Variants in ZFR2 observed in about 807,000 individuals in gnomAD.
ZFR2 encodes the protein zinc finger RNA binding protein 2, also known as zinc finger RNA-binding protein 2.
In ZFR2, 104 loss-of-function variants were observed where a neutral mutation model predicts 105.7. That is an observed-to-expected ratio of 0.98 (90% confidence interval 0.84 to 1.16). The LOEUF (loss-of-function observed/expected upper bound fraction) is 1.16. Ranked by LOEUF, ZFR2 falls within the 50% of genes most tolerant of loss-of-function variation. The pLI is 0.00. For synonymous variants in ZFR2, 634 were observed against 597.7 expected (o/e 1.06, Z -0.89); for missense variants, 1,425 against 1,355.5 (o/e 1.05, Z -0.80).
intron 1 of ZFR2, among the ~76,000 whole-genome samples, chr19:3,865,346 A>T (rs1454636594): frequency 6.6e-6 from 1 of 151,850 alleles, no homozygotes; most frequent in East Asian, 1.9e-4. Flanking sequence ...TACGGTTATC[A>T]TTTTTTTGTT....
chr19:3,822,122 C>T lies in ZFR2; in HGVS notation c.1450G>A (p.Asp484Asn), dbSNP rs1315968489. 6.2e-7 allele frequency: 1 copy of T among 1,610,308 alleles called. No individual in the cohort carries two copies. The highest frequency in any genetic ancestry group is 8.5e-7 in the Non-Finnish European group (1 of 1,178,646). The change falls in exon 9 of 19, where the codon GAC becomes AAC. Residue 484 changes from aspartate (D) to asparagine (N), a missense_variant. Physicochemically the swap from Asp to Asn is conservative, Grantham distance 23. Transcript: ENST00000262961. ...ECSFNDLNAKDLHVRGRRHRL... is the reference protein window; with the variant it reads ...ECSFNDLNAKNLHVRGRRHRL... ...TGCCGCCGCCCCCTCACGTGCAGGTCCTTCGCGTTAAGGTCGTTGAAACTG... is the reference window on the plus strand; with the variant it reads ...TGCCGCCGCCCCCTCACGTGCAGGTTCTTCGCGTTAAGGTCGTTGAAACTG...
At chr19:3,811,487 C>T in intron 14 of ZFR2, 121 bp from the exon 15 acceptor site, 2 of 861,936 alleles carry the variant, frequency 2.3e-6, no homozygotes, top group Middle Eastern at 3.2e-4. Context: ...CACAGTTTCA[C>T]TGTGTCACCC....
intron 1 of ZFR2, chr19:3,855,305 G>A (rs2038284216): frequency 9.1e-7 from 1 of 1,094,620 alleles, no homozygotes; most frequent in Non-Finnish European, 1.2e-6. Context: ...TGGCTAAGCT[G>A]AAAAAAAAAG....
rs1265072727 is a variant in ZFR2, at chr19:3,838,372, AGT to A, written c.54-3391_54-3390del. Among the ~76,000 whole-genome samples, 1 of 152,200 alleles carries A rather than the reference AGT, an allele frequency of 6.6e-6. No homozygotes were observed. The highest frequency in any genetic ancestry group is 1.5e-5 in the Non-Finnish European group (1 of 68,036). ...GGCTATGAAGAAAACAGAACTACAG[AGT>A]GAGTGCTATCCAGGCTGCACTGAGC... On this transcript the variant is annotated intron_variant, in intron 1 of 18. Transcript: ENST00000262961. The surrounding 1 kb of genome is among the most constrained non-coding windows in gnomAD (Gnocchi z 4.9).
chr19:3,823,473 C>G lies in ZFR2; in HGVS notation c.1214-70G>C. The stretch of plus-strand genomic sequence containing the variant: ...GCACTGCAGCTGCAGACCCGCCAGG[C>G]GGCATGGGGTGGAGAGCCACCCAGA... On this transcript the variant is annotated intron_variant, in intron 7 of 18. Coordinates refer to ENST00000262961, the MANE Select transcript of ZFR2 (RefSeq NM_015174.2). The surrounding 1 kb of genome is among the most constrained non-coding windows in gnomAD (Gnocchi z 5.4). The G allele has an allele frequency of 6.7e-7, 1 of 1,491,034 alleles. No individual in the cohort carries two copies. The highest frequency in any genetic ancestry group is 1.4e-5 in the African/African-American group (1 of 71,768). 92.4% of individuals were successfully genotyped at this position (1,491,034 alleles called of 1,614,324 possible).
At position 3,833,683 on chromosome 19, in the gene ZFR2, G is replaced by A. The variant is rs1014254431; in HGVS notation, c.360C>T (p.Ala120=). The change falls in exon 3 of 19, where the codon GCC becomes GCT. Residue 120 remains alanine, a synonymous_variant. Coordinates refer to ENST00000262961, the MANE Select transcript of ZFR2 (RefSeq NM_015174.2). ...SAALQSGRMT[A]ADSGQPGTQE... is the part of the protein sequence containing the mutation. ...GCTCACCTGGCTGGCCGGAGTCTGC[G>A]GCTGTCATGCGCCCAGACTGGAGGG... 18 of 1,566,062 alleles carry A rather than the reference G, an allele frequency of 1.1e-5. No individual in the cohort carries two copies. Among genetic ancestry groups the A allele is most frequent in the Middle Eastern group, 1.7e-4 (1 of 6,012 alleles).
At chr19:3,860,066 T>C (rs1187309378) in intron 1 of ZFR2, among the ~76,000 whole-genome samples, 2 of 152,168 alleles carry the variant, frequency 1.3e-5, no homozygotes, top group African/African-American at 4.8e-5. Context: ...GGTCTTGCTC[T>C]GTCGCCCAGG....
chr19:3,830,219 G>C (rs559409863), intron 5 of ZFR2, among the ~76,000 whole-genome samples: 84 of 152,122 alleles, frequency 5.5e-4, no homozygotes, highest in South Asian at 8.3e-4. Context: ...TAGGAGGATC[G>C]CTTGGGCCCA....
intron 15 of ZFR2, among the ~76,000 whole-genome samples, 151 bp from the exon 16 acceptor site, chr19:3,810,996 CAT>C (rs1441686113): frequency 6.6e-6 from 1 of 152,350 alleles, no homozygotes; most frequent in Non-Finnish European, 1.5e-5. Flanking sequence ...TCCACTCCCA[CAT>C]GAGCCCGGTG....
Position 3,823,339 on chromosome 19 carries a change from T to A in ZFR2, c.1278A>T (p.Leu426Phe), listed in dbSNP as rs1338325807. The A allele has an allele frequency of 6.2e-7, 1 of 1,613,928 alleles. No individual in the cohort carries two copies. Among genetic ancestry groups the A allele is most frequent in the Admixed American group, 1.7e-5 (1 of 60,022 alleles). ...PQWGKPAQPK[L>F]EGPGAPTQGG... ...CTTGGGTAGGTGCTCCGGGACCCTCTAATTTAGGTTGGGCTGGTTTCCCCC... is the reference window on the plus strand; with the variant it reads ...CTTGGGTAGGTGCTCCGGGACCCTCAAATTTAGGTTGGGCTGGTTTCCCCC... Residue 426 changes from leucine to phenylalanine, a missense_variant, in exon 8 of 19, where the codon TTA becomes TTT. Transcript: ENST00000262961. This position sits in a 1 kb window ranked among gnomAD's most constrained non-coding sequence, Gnocchi z 5.4.
In ZFR2 at chr19:3,869,006, A is replaced by C; in HGVS notation, c.12T>G (p.Ser4Arg). MAT[S>R]QYFDFAQGGG... is the part of the protein sequence containing the mutation. The stretch of plus-strand genomic sequence containing the variant: ...CGCCCTGCGCGAAGTCGAAATACTG[A>C]CTCGTCGCCATCTTGGCGTCTTCCC... The change falls in exon 1 of 19, where the codon AGT (serine) becomes AGG (arginine). Residue 4 changes from serine (S) to arginine (R), a missense_variant. By Grantham distance (110) the Ser-to-Arg change is moderately radical. Coordinates refer to ENST00000262961, the MANE Select transcript of ZFR2 (RefSeq NM_015174.2). 2 of 1,367,756 alleles carry C rather than the reference A, an allele frequency of 1.5e-6. No homozygotes were observed. Among genetic ancestry groups the C allele is most frequent in the Non-Finnish European group, 1.9e-6 (2 of 1,050,422 alleles). 84.7% of individuals were successfully genotyped at this position (1,367,756 alleles called of 1,614,324 possible). A position where few individuals can be genotyped will look rare whatever the true frequency, so the allele number is the denominator to read the frequency against.
At chr19:3,855,651 G>T (rs1202306499) in intron 1 of ZFR2, 9 of 395,352 alleles carry the variant, frequency 2.3e-5, no homozygotes, top group Non-Finnish European at 3.5e-5. Context: ...CGGCAAGGGG[G>T]TGTGAGCAGG....
At chr19:3,854,389 TA>T (rs35877592) in intron 1 of ZFR2, among the ~76,000 whole-genome samples, 1 of 150,978 alleles carries the variant, frequency 6.6e-6, no homozygotes, top group East Asian at 2.0e-4. Context: ...CGAGACTGTC[TA>T]AAAAAAAAGT....
intron 18 of ZFR2, 111 bp from the exon 19 acceptor site, chr19:3,806,236 T>C: frequency 3.3e-6 from 4 of 1,202,802 alleles, no homozygotes; most frequent in Non-Finnish European, 4.3e-6. Flanking sequence ...AGGCCTATCC[T>C]GTATCCCTCG....
chr19:3,862,839 G>A (rs893642444), intron 1 of ZFR2, among the ~76,000 whole-genome samples: 2 of 152,202 alleles, frequency 1.3e-5, no homozygotes, highest in African/African-American at 2.4e-5. Flanking sequence ...GAAAAAGACC[G>A]CAGCAACATG....
At position 3,839,357 on chromosome 19, in the gene ZFR2, A is replaced by AC. The variant is rs200813091; in HGVS notation, c.54-4375dup. Reference sequence around the variant, plus strand: ...AGACCAGCCTGGCCAACATGGTGAAACCCCGTCTCTATTAAAAATACAAAA... The same window carrying AC: ...AGACCAGCCTGGCCAACATGGTGAAACCCCCGTCTCTATTAAAAATACAAAA... On this transcript the variant is annotated intron_variant, in intron 1 of 18. Coordinates refer to ENST00000262961, the MANE Select transcript of ZFR2 (RefSeq NM_015174.2). Among the ~76,000 whole-genome samples, 840 of 151,650 alleles carry AC rather than the reference A, an allele frequency of 5.5e-3. 8 individuals are homozygous for AC. The highest frequency in any genetic ancestry group is 0.029 in the East Asian group (149 of 5,136).
intron 1 of ZFR2, among the ~76,000 whole-genome samples, chr19:3,844,975 A>C (rs2038172287): frequency 6.6e-6 from 1 of 151,680 alleles, no homozygotes; most frequent in African/African-American, 2.4e-5. Context: ...GGTCATGGCC[A>C]AGTACCACAG....
At chr19:3,837,661 G>A (rs929675142) in intron 1 of ZFR2, among the ~76,000 whole-genome samples, 3 of 152,032 alleles carry the variant, frequency 2.0e-5, no homozygotes, top group African/African-American at 7.2e-5. Context: ...TGAACACCAT[G>A]ACCGTGACAC....
intron 13 of ZFR2, among the ~76,000 whole-genome samples, chr19:3,815,026 TCCCAGGGATGGTGACAGACGCTCAGG>T: frequency 6.6e-6 from 1 of 151,280 alleles, no homozygotes; most frequent in East Asian, 2.0e-4. Flanking sequence ...GGCTGAGTTT[TCCCAGGGATGGTGACAGACGCTCAGG>T]AAGAAGGAAC....
Sources: gnomAD v4.1 joint callset for allele counts (sites outside exome capture counted in the v4.1 genomes callset) on GRCh38, gnomAD v4.1.1 for gene constraint, Gnocchi (gnomAD v3.1) non-coding constraint, MANE v1.5 for transcripts, NCBI Gene and HGNC (gene_info 2026-07-23, HGNC 2026-07-21) for gene names.